RGS17: variants seen among roughly 807,000 people sequenced by gnomAD.
RGS17 encodes regulator of G protein signaling 17.
Under a neutral mutation model 25.5 loss-of-function variants are expected in RGS17, and 12 were observed. The ratio of observed to expected loss-of-function variants is 0.47; its 90% CI spans 0.30 to 0.76. The LOEUF is 0.76. Ranked by LOEUF, RGS17 falls within the 30% of genes least tolerant of loss-of-function variation. RGS17 has a pLI of 0.07. For synonymous variants in RGS17, 71 were observed against 76.9 expected (o/e 0.92, Z 0.40); for missense variants, 196 against 242.2 (o/e 0.81, Z 1.27).
At position 153,011,515 on chromosome 6, in the gene RGS17, T is replaced by C. The variant is rs932274951; in HGVS notation, c.*59A>G. On this transcript the variant is annotated 3_prime_UTR_variant, in exon 5 of 5. Transcript: ENST00000206262. ...TCTCCAGGAACTCAGTTTCTGATGTTATTTAACTACTTTTATTTCCCATCT... is the reference window on the plus strand; with the variant it reads ...TCTCCAGGAACTCAGTTTCTGATGTCATTTAACTACTTTTATTTCCCATCT... 4.1e-6 allele frequency: 5 copies of C among 1,212,622 alleles called. No individual in the cohort carries two copies. In the South Asian group the frequency reaches 6.6e-5, roughly 16 times the overall value. 75.1% of individuals were successfully genotyped at this position (1,212,622 alleles called of 1,614,324 possible).
chr6:153,117,665 G>T (rs1463658449), intron 1 of RGS17, among the ~76,000 whole-genome samples: 1 of 152,132 alleles, frequency 6.6e-6, no homozygotes, highest in Non-Finnish European at 1.5e-5. Flanking sequence ...GATATTCTCA[G>T]GACAAAATTA....
intron 1 of RGS17, among the ~76,000 whole-genome samples, chr6:153,060,330 C>T (rs1303586187): frequency 1.3e-5 from 2 of 152,206 alleles, no homozygotes; most frequent in Admixed American, 6.5e-5. Context: ...TGGCTTCTCT[C>T]ACTGGACTCG....
chr6:153,105,931 G>C (rs1777374116), intron 1 of RGS17, among the ~76,000 whole-genome samples: 1 of 152,124 alleles, frequency 6.6e-6, no homozygotes, highest in African/African-American at 2.4e-5. Context: ...GAACACTTTG[G>C]CACCTGCATG....
At chr6:153,024,959 C>T (rs1451283275) in intron 3 of RGS17, among the ~76,000 whole-genome samples, 1 of 151,340 alleles carries the variant, frequency 6.6e-6, no homozygotes, top group Non-Finnish European at 1.5e-5. Flanking sequence ...TTTCATCTGT[C>T]ACTTGATTTA....
At chr6:153,088,692 C>T (rs1373394017) in intron 1 of RGS17, among the ~76,000 whole-genome samples, 1 of 152,020 alleles carries the variant, frequency 6.6e-6, no homozygotes, top group Non-Finnish European at 1.5e-5. Context: ...TTGTACTCTT[C>T]CTGGCATGAG....
At chr6:153,072,298 C>T (rs1050370081) in intron 1 of RGS17, among the ~76,000 whole-genome samples, 1 of 152,102 alleles carries the variant, frequency 6.6e-6, no homozygotes, top group African/African-American at 2.4e-5. Context: ...CATAGGTTAT[C>T]ATAGGTCTCA....
intron 1 of RGS17, among the ~76,000 whole-genome samples, chr6:153,081,109 A>G (rs1199198282): frequency 6.6e-6 from 1 of 152,144 alleles, no homozygotes; most frequent in African/African-American, 2.4e-5. Context: ...ATAAATTTCA[A>G]TTAGATTGGC....
chr6:153,018,575 T>C (rs1779208705), intron 4 of RGS17, among the ~76,000 whole-genome samples: 1 of 152,190 alleles, frequency 6.6e-6, no homozygotes, highest in Admixed American at 6.5e-5. Context: ...ACCCAATGTG[T>C]TTGGCTTTTG....
At chr6:153,124,884 T>C (rs1777683490) in intron 1 of RGS17, among the ~76,000 whole-genome samples, 1 of 152,140 alleles carries the variant, frequency 6.6e-6, no homozygotes, top group South Asian at 2.1e-4. Context: ...CATAGGGTCG[T>C]CTACCAAGAG....
chr6:153,047,854 C>G (rs1412646166), intron 1 of RGS17, among the ~76,000 whole-genome samples: 4 of 152,216 alleles, frequency 2.6e-5, no homozygotes, highest in Non-Finnish European at 5.9e-5. Context: ...TAACTCCACC[C>G]TCTTTGAAAT....
intron 2 of RGS17, among the ~76,000 whole-genome samples, chr6:153,031,434 A>G (rs1779362404): frequency 6.6e-6 from 1 of 152,218 alleles, no homozygotes; most frequent in African/African-American, 2.4e-5. Context: ...CTTTGTCATT[A>G]TTACACAACA....
chr6:153,073,813 A>C (rs887449530), intron 1 of RGS17, among the ~76,000 whole-genome samples: 3 of 152,174 alleles, frequency 2.0e-5, no homozygotes, highest in Non-Finnish European at 4.4e-5. Context: ...ATTATAGATC[A>C]GTCTCCTGGG....
chr6:153,037,552 A>G (rs540194852), intron 2 of RGS17, among the ~76,000 whole-genome samples: 5 of 151,670 alleles, frequency 3.3e-5, no homozygotes, highest in Admixed American at 3.3e-4. Context: ...CCGCCTCCTG[A>G]GTAGCTGGGA....
chr6:153,086,618 C>T (rs902955700), intron 1 of RGS17, among the ~76,000 whole-genome samples: 3 of 152,144 alleles, frequency 2.0e-5, no homozygotes, highest in Non-Finnish European at 4.4e-5. Flanking sequence ...TCTAAGCACA[C>T]AGAATATATT....
intron 2 of RGS17, 53 bp from the exon 3 acceptor site, chr6:153,026,596 GA>G (rs2129107188): frequency 7.2e-7 from 1 of 1,388,442 alleles, no homozygotes; most frequent in South Asian, 1.2e-5. Flanking sequence ...ATCAGTTGAA[GA>G]AAAGAATAAA....
At chr6:153,050,097 TA>T (rs1156483741) in intron 1 of RGS17, among the ~76,000 whole-genome samples, 1 of 152,158 alleles carries the variant, frequency 6.6e-6, no homozygotes, top group South Asian at 2.1e-4. Context: ...CACTTACATA[TA>T]AAAAATTACA....
intron 1 of RGS17, among the ~76,000 whole-genome samples, chr6:153,050,130 A>T (rs1258495576): frequency 6.6e-6 from 1 of 152,204 alleles, no homozygotes; most frequent in Non-Finnish European, 1.5e-5. Context: ...TAATACATGC[A>T]AAAATAAACT....
intron 2 of RGS17, among the ~76,000 whole-genome samples, chr6:153,040,367 A>T (rs1467081463): frequency 6.6e-6 from 1 of 152,240 alleles, no homozygotes; most frequent in Non-Finnish European, 1.5e-5. Flanking sequence ...GAATCTATTT[A>T]AAAATGAGAG....
intron 2 of RGS17, among the ~76,000 whole-genome samples, chr6:153,033,483 C>T (rs1776185193): frequency 3.3e-5 from 5 of 152,096 alleles, no homozygotes; most frequent in Admixed American, 3.3e-4. Flanking sequence ...TTTGGGAGGC[C>T]AAGGTGGGCA....
Sources: allele counts gnomAD v4.1 joint callset (sites outside exome capture counted in the v4.1 genomes callset), GRCh38; gene constraint gnomAD v4.1.1; transcripts MANE v1.5; gene names NCBI Gene and HGNC (gene_info 2026-07-23, HGNC 2026-07-21).